The following MYO9A variants were observed in gnomAD, a reference collection of about 807,000 sequenced individuals.
MYO9A encodes the protein myosin IXA.
Under a neutral mutation model 293.3 loss-of-function variants are expected in MYO9A, and 103 were observed. The ratio of observed to expected loss-of-function variants is 0.35; its 90% CI spans 0.30 to 0.41. The LOEUF (loss-of-function observed/expected upper bound fraction) is 0.41, where lower values mean the gene tolerates loss of function less well. Among genes scored for constraint, MYO9A ranks in the 10% least tolerant of loss-of-function variants. The probability of loss-of-function intolerance (pLI) is 1.00; values close to 1 mark genes in which losing one functional copy is unlikely to be tolerated. For synonymous variants in MYO9A, 1,001 were observed against 1,035.7 expected (o/e 0.97, Z 0.64); for missense variants, 2,685 against 3,033.0 (o/e 0.89, Z 2.69).
chr15:71,847,587 A>C (rs1215093985), intron 39 of MYO9A: 3 of 339,638 alleles, frequency 8.8e-6, no homozygotes, highest in Non-Finnish European at 1.3e-5. Flanking sequence ...GCAGCACTGG[A>C]AAAAAGCGCA....
intron 27 of MYO9A, among the ~76,000 whole-genome samples, chr15:71,887,590 A>G (rs543948598): frequency 6.6e-6 from 1 of 152,216 alleles, no homozygotes; most frequent in Admixed American, 6.5e-5. Flanking sequence ...GAAACTGCTT[A>G]TCTTTGTCTT....
At position 71,898,720 on chromosome 15, in the gene MYO9A, A is replaced by C. The variant is rs146407444; in HGVS notation, c.3783T>G (p.Asp1261Glu). Residue 1261 changes from aspartate (D) to glutamate (E), a missense_variant, in exon 25 of 42, where the codon GAT becomes GAG. Physicochemically the swap from Asp to Glu is conservative, Grantham distance 45. This residue lies in a region of MYO9A where 1,434 missense variants were observed against 1,497.7 expected (regional missense o/e 0.96). Transcript: ENST00000356056. ...LVRERPRSLEDLHQKKVGRAK... is the reference protein window; with the variant it reads ...LVRERPRSLEELHQKKVGRAK... Reference sequence around the variant, plus strand: ...CCCGGCCTACTTTTTTCTGATGGAGATCCTCCAAGGATCTGGGTCTCTCTC... The same window carrying C: ...CCCGGCCTACTTTTTTCTGATGGAGCTCCTCCAAGGATCTGGGTCTCTCTC... The C allele has an allele frequency of 4.6e-5, 74 of 1,613,492 alleles. No homozygotes were observed. In the African/African-American group the frequency reaches 9.1e-4, roughly 20 times the overall value.
chr15:72,104,674 A>G (rs1372249662), intron 1 of MYO9A, among the ~76,000 whole-genome samples: 1 of 152,220 alleles, frequency 6.6e-6, no homozygotes, highest in African/African-American at 2.4e-5. Context: ...ACAAGCCCAG[A>G]GACTGAATTC....
At position 71,924,702 on chromosome 15, in the gene MYO9A, C is replaced by T. The variant is rs898237828; in HGVS notation, c.2563-8210G>A. Among the ~76,000 whole-genome samples, 7 of 152,002 alleles carry T rather than the reference C, an allele frequency of 4.6e-5. No homozygotes were observed. In the South Asian group the frequency reaches 1.0e-3, roughly 23 times the overall value. On this transcript the variant is annotated intron_variant, in intron 18 of 41. Transcript: ENST00000356056. ...TTGAGAGGCCAAGATGGGTGGATCA[C>T]CTGAGGTCAGGAATTCGTGACCAGC... is the stretch of plus-strand genomic sequence containing the variant.
chr15:71,840,871 T>TCCG (rs2055131923), intron 39 of MYO9A, among the ~76,000 whole-genome samples: 1 of 152,234 alleles, frequency 6.6e-6, no homozygotes, highest in South Asian at 2.1e-4. Flanking sequence ...GACCTCGTGA[T>TCCG]CCGCCCACCT....
At chr15:71,887,023 T>A (rs976206601) in intron 27 of MYO9A, among the ~76,000 whole-genome samples, 12 of 152,032 alleles carry the variant, frequency 7.9e-5, no homozygotes, top group African/African-American at 2.9e-4. Context: ...TACAACATAA[T>A]GAGGGACAAA....
intron 1 of MYO9A, among the ~76,000 whole-genome samples, chr15:72,082,340 G>C (rs1424641811): frequency 1.3e-5 from 2 of 152,102 alleles, no homozygotes; most frequent in Non-Finnish European, 2.9e-5. Flanking sequence ...TTGACTGTTG[G>C]TGTATTGGAA....
rs866851440 is a variant in MYO9A, at chr15:71,830,145, ACT to A, written c.7002_7003del (p.Arg2334SerfsTer4). 1 of 1,613,854 alleles carries A rather than the reference ACT, an allele frequency of 6.2e-7. No homozygotes were observed. The highest frequency in any genetic ancestry group is 2.2e-5 in the East Asian group (1 of 44,878). The stretch of plus-strand genomic sequence containing the variant: ...TAGGTTCTCAATCTGCTCAGTCAGT[ACT>A]CTCTCCTCCTGCTGCATAGCTGCTT... On this transcript the variant is annotated frameshift_variant, in exon 40 of 42. Transcript: ENST00000356056. LOFTEE classifies it high-confidence loss of function.
intron 6 of MYO9A, among the ~76,000 whole-genome samples, chr15:72,012,743 G>A (rs868424331): frequency 3.9e-5 from 6 of 152,124 alleles, no homozygotes; most frequent in Non-Finnish European, 1.5e-5. Flanking sequence ...TATTACAAGT[G>A]GCAAGGCAGG....
chr15:71,964,882 G>A (rs1319069914), intron 13 of MYO9A, among the ~76,000 whole-genome samples: 1 of 151,882 alleles, frequency 6.6e-6, no homozygotes, highest in South Asian at 2.1e-4. Context: ...TTGAACCCAG[G>A]TGGTGGTGGT....
intron 1 of MYO9A, among the ~76,000 whole-genome samples, chr15:72,088,424 T>C (rs2079810350): frequency 1.3e-5 from 2 of 152,232 alleles, no homozygotes; most frequent in South Asian, 2.1e-4. Flanking sequence ...AAATATTCTA[T>C]AGAGTTCCTT....
At chr15:71,870,324 G>A (rs2056468290) in intron 32 of MYO9A, among the ~76,000 whole-genome samples, 1 of 152,040 alleles carries the variant, frequency 6.6e-6, no homozygotes, top group Non-Finnish European at 1.5e-5. Flanking sequence ...TGCTTGAGAT[G>A]AATACAAAGA....
intron 19 of MYO9A, among the ~76,000 whole-genome samples, chr15:71,908,504 T>G (rs1266679015): frequency 6.6e-6 from 1 of 152,208 alleles, no homozygotes; most frequent in Non-Finnish European, 1.5e-5. Context: ...GCATTTACAT[T>G]GTTAATAATT....
chr15:72,001,553 CAAAAAAAAAA>C (rs199812533), intron 8 of MYO9A, among the ~76,000 whole-genome samples: 1 of 102,526 alleles, frequency 9.8e-6, no homozygotes, highest in South Asian at 3.4e-4. Context: ...GACTCCATCT[CAAAAAAAAAA>C]AAAAAAAAAA....
chr15:71,967,486 G>T (rs922753), intron 13 of MYO9A, among the ~76,000 whole-genome samples: 149,693 of 152,304 alleles, frequency 0.98, 73,621 homozygotes, highest in Middle Eastern at 1. Context: ...TTAAATGCCT[G>T]AAATAGCAGG....
At chr15:71,950,904 CTT>C (rs749770650) in intron 15 of MYO9A, among the ~76,000 whole-genome samples, 4 of 152,198 alleles carry the variant, frequency 2.6e-5, no homozygotes, top group Non-Finnish European at 5.9e-5. Context: ...GCTGAGTTGT[CTT>C]TGAGTATTTT....
chr15:71,993,125 C>G (rs1224782269), intron 10 of MYO9A, among the ~76,000 whole-genome samples: 1 of 151,506 alleles, frequency 6.6e-6, no homozygotes, highest in East Asian at 1.9e-4. Context: ...CCAAGAAGGG[C>G]AGGTCACTTG....
At chr15:71,901,104 A>C (rs969463074) in intron 23 of MYO9A, 87 bp downstream of exon 23, 116 of 1,394,306 alleles carry the variant, frequency 8.3e-5, no homozygotes, top group Non-Finnish European at 1.1e-4. Context: ...TTATTACTGA[A>C]AATGTTTTAC....
chr15:72,110,435 C>CAAAAAAAAAAAAA (rs397854173), intron 1 of MYO9A, among the ~76,000 whole-genome samples: 3 of 45,104 alleles, frequency 6.7e-5, no homozygotes, highest in Non-Finnish European at 1.4e-4. Context: ...GACTCCATCT[C>CAAAAAAAAAAAAA]AAAAAAAAAA....
Sources: allele counts gnomAD v4.1 joint callset (sites outside exome capture counted in the v4.1 genomes callset), GRCh38; gene constraint gnomAD v4.1.1; regional missense constraint gnomAD v4.1.1; transcripts MANE v1.5; gene names NCBI Gene and HGNC (gene_info 2026-07-23, HGNC 2026-07-21).